The following CIBAR2 variants were observed in gnomAD, a reference collection of about 807,000 sequenced individuals.
The protein encoded by CIBAR2 is CBY1-interacting BAR domain-containing protein 2.
Under a neutral mutation model 36.2 loss-of-function variants are expected in CIBAR2, and 38 were observed. That is an observed-to-expected ratio of 1.05 (90% CI 0.81 to 1.38). CIBAR2 has a LOEUF of 1.38. Among genes scored for constraint, CIBAR2 ranks in the 40% most tolerant of loss-of-function variants. The probability of loss-of-function intolerance (pLI) is 0.00; values close to 1 mark genes in which losing one functional copy is unlikely to be tolerated. For synonymous variants in CIBAR2, 182 were observed against 149.5 expected, an observed-to-expected ratio of 1.22 and a Z score of -1.58; for missense variants, 481 against 383.4, an observed-to-expected ratio of 1.25 and a Z score of -2.13.
In CIBAR2 at chr16:85,099,259, C is replaced by A. The variant is rs1408541048; in HGVS notation, c.841G>T (p.Val281Leu). ...NHGRFSLCEW[V>L]VKGQPAHCVC... ...CAGTGGGCTGGCTGCCCCTTAACCA[C>A]CCACTCACAGAGACTAAACCTGCCA... The change falls in exon 9 of 9, where the codon GTG becomes TTG. Residue 281 changes from valine (V) to leucine (L), a missense_variant. By Grantham distance (32) the Val-to-Leu change is conservative (BLOSUM62 1). Coordinates refer to ENST00000539556, the MANE Select transcript of CIBAR2 (RefSeq NM_198491.3). The A allele has an allele frequency of 1.2e-6, 2 of 1,613,434 alleles. No individual in the cohort carries two copies. The highest frequency in any genetic ancestry group is 1.7e-5 in the Admixed American group (1 of 59,862).
intron 7 of CIBAR2, among the ~76,000 whole-genome samples, chr16:85,101,944 G>C (rs907963873): frequency 6.6e-6 from 1 of 152,010 alleles, no homozygotes; most frequent in South Asian, 2.1e-4. Context: ...CTGGGATTAC[G>C]GGCGTGAACC....
At chr16:85,105,065 G>A (rs1018373326) in intron 6 of CIBAR2, among the ~76,000 whole-genome samples, 1 of 152,236 alleles carries the variant, frequency 6.6e-6, no homozygotes, top group Non-Finnish European at 1.5e-5. Context: ...CTGGCTAGGA[G>A]CTGGACCTAG....
intron 1 of CIBAR2, among the ~76,000 whole-genome samples, chr16:85,111,539 A>G (rs2074042612): frequency 6.6e-6 from 1 of 152,084 alleles, no homozygotes; most frequent in Non-Finnish European, 1.5e-5. Context: ...GGGGCCTGAG[A>G]AGCTGCGTTT....
intron 1 of CIBAR2, 44 bp downstream of exon 1, chr16:85,112,289 G>A (rs761723571): frequency 1.3e-5 from 19 of 1,479,078 alleles, no homozygotes; most frequent in Middle Eastern, 1.9e-4. Context: ...CTCAAAACCC[G>A]ACTTCCACCT....
chr16:85,107,362 C>T (rs1383278183), intron 5 of CIBAR2, among the ~76,000 whole-genome samples: 2 of 152,166 alleles, frequency 1.3e-5, no homozygotes, highest in Non-Finnish European at 2.9e-5. Context: ...TCTCTGTGAG[C>T]CCTGGTTTCC....
chr16:85,100,138 C>A lies in CIBAR2; in HGVS notation c.753+1G>T, dbSNP rs767045254. 2 of 1,608,740 alleles carry A rather than the reference C, an allele frequency of 1.2e-6. No individual in the cohort carries two copies. Among genetic ancestry groups the A allele is most frequent in the East Asian group, 2.2e-5 (1 of 44,764 alleles). ...AACCCCTCACCCACCCACACGCTCA[C>A]CTGGCTGGCGAGAGACTGAAGAACA... On this transcript the variant is annotated splice_donor_variant, in intron 8 of 8. Transcript: ENST00000539556. LOFTEE classifies it high-confidence loss of function.
At chr16:85,101,229 G>T (rs1218358718) in intron 7 of CIBAR2, among the ~76,000 whole-genome samples, 1 of 152,142 alleles carries the variant, frequency 6.6e-6, no homozygotes, top group South Asian at 2.1e-4. Flanking sequence ...AGGACCCTGT[G>T]CTTGGCTTAG....
chr16:85,101,639 T>G (rs1250597460), intron 7 of CIBAR2, among the ~76,000 whole-genome samples: 1 of 151,868 alleles, frequency 6.6e-6, no homozygotes. Flanking sequence ...AGGAAATGCT[T>G]TTTATTGTTG....
Position 85,102,287 on chromosome 16 carries a change from T to C in CIBAR2, c.578A>G (p.His193Arg). 1 of 1,613,746 alleles carries C rather than the reference T, an allele frequency of 6.2e-7. No individual in the cohort carries two copies. Among genetic ancestry groups the C allele is most frequent in the Non-Finnish European group, 8.5e-7 (1 of 1,179,696 alleles). The stretch of plus-strand genomic sequence containing the variant: ...AGAATACACCTCCACCGCTTTGGCA[T>C]GGAAAACCATCTCAATAGTTACAAA... ...CDFVTIEMVF[H>R]AKAVEVYSSA... The change falls in exon 7 of 9, where the codon CAT (histidine) becomes CGT (arginine). Residue 193 changes from histidine to arginine, a missense_variant. Physicochemically the swap from His to Arg is conservative, Grantham distance 29 (BLOSUM62 0). Coordinates refer to ENST00000539556, the MANE Select transcript of CIBAR2 (RefSeq NM_198491.3).
rs747601319 is a variant in CIBAR2, at chr16:85,100,261, T to G, written c.652-21A>C. ...AAATCCTGCCGGGGAGAGACCAGGG[T>G]GGGTGGGATCCGATGGGAAAACACA... On this transcript the variant is annotated intron_variant, in intron 7 of 8. Coordinates refer to ENST00000539556, the MANE Select transcript of CIBAR2 (RefSeq NM_198491.3). The G allele has an allele frequency of 5.7e-5, 84 of 1,467,456 alleles. No homozygotes were observed. The South Asian group carries it at 8.4e-4, about 15-fold the overall frequency. 90.9% of individuals were successfully genotyped at this position (1,467,456 alleles called of 1,614,324 possible).
intron 6 of CIBAR2, among the ~76,000 whole-genome samples, chr16:85,104,583 G>C (rs1444893033): frequency 6.6e-6 from 1 of 152,160 alleles, no homozygotes; most frequent in Non-Finnish European, 1.5e-5. Flanking sequence ...GGGCGTGGTG[G>C]TACGTGCCTA....
At chr16:85,100,262 G>A in intron 7 of CIBAR2, 22 bp from the exon 8 acceptor site, 1 of 1,555,118 alleles carries the variant, frequency 6.4e-7, no homozygotes, top group Non-Finnish European at 8.8e-7. Flanking sequence ...AGACCAGGGT[G>A]GGTGGGATCC....
At chr16:85,104,775 C>T (rs191779022) in intron 6 of CIBAR2, among the ~76,000 whole-genome samples, 2 of 152,194 alleles carry the variant, frequency 1.3e-5, no homozygotes, top group East Asian at 3.9e-4. Context: ...AATGGACTAG[C>T]GAGGGCTCAA....
chr16:85,106,079 C>A (rs2073993846), intron 5 of CIBAR2, among the ~76,000 whole-genome samples: 1 of 152,194 alleles, frequency 6.6e-6, no homozygotes, highest in Non-Finnish European at 1.5e-5. Flanking sequence ...GGGCTGGCAT[C>A]TAGGAAGCCC....
rs1021877588 is a variant in CIBAR2, at chr16:85,098,609, G to C, written c.*576C>G. The C allele has an allele frequency of 3.0e-6, 3 of 985,664 alleles. No individual in the cohort carries two copies. In the African/African-American group the frequency reaches 5.2e-5, roughly 17 times the overall value. 61.1% of individuals were successfully genotyped at this position (985,664 alleles called of 1,614,324 possible). A position where few individuals can be genotyped will look rare whatever the true frequency, so the allele number is the denominator to read the frequency against. On this transcript the variant is annotated 3_prime_UTR_variant, in exon 9 of 9. Coordinates refer to ENST00000539556, the MANE Select transcript of CIBAR2 (RefSeq NM_198491.3). Reference sequence around the variant, plus strand: ...CCCAGTGCCCTGAGGTCCTCCACGGGGGCCTCCTCCATGGAGTTGTCCTCA... The same window carrying C: ...CCCAGTGCCCTGAGGTCCTCCACGGCGGCCTCCTCCATGGAGTTGTCCTCA...
chr16:85,110,511 C>A, intron 1 of CIBAR2, 51 bp from the exon 2 acceptor site: 1 of 1,385,302 alleles, frequency 7.2e-7, no homozygotes, highest in Non-Finnish European at 9.9e-7. Context: ...TGCAGGGCCC[C>A]GGTCATGCCA....
rs748392636 is a variant in CIBAR2, at chr16:85,108,073, G to C, written c.282C>G (p.Val94=). ...GTGCCCCGTAGAGCTTCAGGGGGTT[G>C]ACCACCTTGGTCTCCAGCCTCTCGA... is the stretch of plus-strand genomic sequence containing the variant. ...AQVERLETKV[V]NPLKLYGAQI... Residue 94 remains valine, a synonymous_variant, in exon 3 of 9, where the codon GTC becomes GTG. Transcript: ENST00000539556. 2 of 1,612,926 alleles carry C rather than the reference G, an allele frequency of 1.2e-6. No homozygotes were observed. Among genetic ancestry groups the C allele is most frequent in the East Asian group, 4.5e-5 (2 of 44,844 alleles).
chr16:85,109,958 G>A (rs9319456), intron 2 of CIBAR2, among the ~76,000 whole-genome samples: 27,872 of 152,098 alleles, frequency 0.18, 2,854 homozygotes, highest in African/African-American at 0.29. Context: ...TGTCTCCTTC[G>A]GGGGTTCATG....
At position 85,112,470 on chromosome 16, in the gene CIBAR2, G is replaced by A. The variant is rs982794613; in HGVS notation, c.-118C>T. On this transcript the variant is annotated 5_prime_UTR_variant, in exon 1 of 9. Coordinates refer to ENST00000539556, the MANE Select transcript of CIBAR2 (RefSeq NM_198491.3). The stretch of plus-strand genomic sequence containing the variant: ...GCAGCTGTGTGGCCTGGGCTCAAGG[G>A]ACGCTGCCACCCGGTTGCTAGGCGA... 101 of 1,055,678 alleles carry A rather than the reference G, an allele frequency of 9.6e-5. No individual in the cohort carries two copies. Among genetic ancestry groups the A allele is most frequent in the Non-Finnish European group, 1.4e-4 (96 of 687,726 alleles). 65.4% of individuals were successfully genotyped at this position (1,055,678 alleles called of 1,614,324 possible).
Sources: allele counts gnomAD v4.1 joint callset (sites outside exome capture counted in the v4.1 genomes callset), GRCh38; gene constraint gnomAD v4.1.1; transcripts MANE v1.5; gene names NCBI Gene and HGNC (gene_info 2026-07-23, HGNC 2026-07-21).